The following ANO10 variants were observed in gnomAD, a reference collection of about 807,000 sequenced individuals.
ANO10 encodes anoctamin-10.
In ANO10, 77 loss-of-function variants were observed where a neutral mutation model predicts 74.7. The observed-to-expected ratio is 1.03, with a 90% CI of 0.86 to 1.25. The LOEUF is 1.25. ANO10 is among the 50% of genes most tolerant of loss of function. ANO10 has a pLI of 0.00. For synonymous variants in ANO10, 279 were observed against 284.9 expected, an observed-to-expected ratio of 0.98 and a Z score of 0.21; for missense variants, 721 against 778.1, an observed-to-expected ratio of 0.93 and a Z score of 0.87.
chr3:43,394,028 A>G (rs2092329660), intron 12 of ANO10, among the ~76,000 whole-genome samples: 1 of 152,162 alleles, frequency 6.6e-6, no homozygotes, highest in African/African-American at 2.4e-5. Context: ...GTGAACACTC[A>G]CAGGGTATCA....
At chr3:43,406,807 A>C (rs570950963) in intron 12 of ANO10, among the ~76,000 whole-genome samples, 146 of 152,328 alleles carry the variant, frequency 9.6e-4, no homozygotes, top group African/African-American at 3.4e-3. Flanking sequence ...GCATTTTTAC[A>C]CAACAGTGCC....
intron 11 of ANO10, among the ~76,000 whole-genome samples, chr3:43,511,893 T>C (rs1022018192): frequency 6.6e-6 from 1 of 152,194 alleles, no homozygotes. Context: ...GGCACTGCCT[T>C]GCTCCAAGGT....
intron 11 of ANO10, among the ~76,000 whole-genome samples, chr3:43,469,409 T>C (rs2075764532): frequency 6.6e-6 from 1 of 152,300 alleles, no homozygotes; most frequent in East Asian, 1.9e-4. Context: ...TGATTTCATC[T>C]CCTACTGATT....
At chr3:43,396,881 T>C (rs574797747) in intron 12 of ANO10, among the ~76,000 whole-genome samples, 1 of 152,152 alleles carries the variant, frequency 6.6e-6, no homozygotes, top group East Asian at 1.9e-4. Context: ...TTCTGCAATG[T>C]CTAATCTGCT....
At chr3:43,422,673 A>AT (rs1178136644) in intron 12 of ANO10, among the ~76,000 whole-genome samples, 1 of 152,152 alleles carries the variant, frequency 6.6e-6, no homozygotes, top group Non-Finnish European at 1.5e-5. Context: ...ATTTTATTCC[A>AT]TTTCACAGCC....
chr3:43,659,888 T>G (rs2083904708), intron 1 of ANO10, among the ~76,000 whole-genome samples: 1 of 152,154 alleles, frequency 6.6e-6, no homozygotes, highest in Non-Finnish European at 1.5e-5. Flanking sequence ...AGAGGAAGGA[T>G]CAGGCAGCAA....
chr3:43,554,334 C>T (rs550718724), intron 10 of ANO10, among the ~76,000 whole-genome samples: 34 of 152,030 alleles, frequency 2.2e-4, no homozygotes, highest in Middle Eastern at 3.4e-3. Flanking sequence ...GCTGGGATTA[C>T]AGGCGCCCAG....
intron 1 of ANO10, among the ~76,000 whole-genome samples, chr3:43,680,747 T>C (rs1267186241): frequency 6.6e-6 from 1 of 152,160 alleles, no homozygotes; most frequent in Non-Finnish European, 1.5e-5. Flanking sequence ...GCAGAAACTC[T>C]ACAAGCCAGA....
intron 12 of ANO10, among the ~76,000 whole-genome samples, chr3:43,410,566 C>T (rs899962666): frequency 6.6e-6 from 1 of 152,124 alleles, no homozygotes; most frequent in Non-Finnish European, 1.5e-5. Context: ...TTTATGACTA[C>T]AAAATTATGA....
At chr3:43,515,077 G>C (rs969818669) in intron 11 of ANO10, among the ~76,000 whole-genome samples, 1 of 152,118 alleles carries the variant, frequency 6.6e-6, no homozygotes, top group Non-Finnish European at 1.5e-5. Flanking sequence ...ATAGAAAATA[G>C]TAAAACAATA....
chr3:43,445,122 CA>C (rs10689478), intron 11 of ANO10, among the ~76,000 whole-genome samples: 1,410 of 91,490 alleles, frequency 0.015, 15 homozygotes, highest in African/African-American at 0.056. Context: ...GACTTTGCCT[CA>C]AAAAAAAAAA....
chr3:43,437,768 T>C (rs1049238740), intron 11 of ANO10, among the ~76,000 whole-genome samples: 2 of 152,200 alleles, frequency 1.3e-5, no homozygotes, highest in African/African-American at 4.8e-5. Flanking sequence ...ACTGGGCTGA[T>C]TGGTGAAGGC....
chr3:43,504,372 T>C (rs1460185724), intron 11 of ANO10, among the ~76,000 whole-genome samples: 1 of 151,272 alleles, frequency 6.6e-6, no homozygotes, highest in South Asian at 2.1e-4. Context: ...GGATCTAAAG[T>C]GTGATCTACA....
intron 1 of ANO10, among the ~76,000 whole-genome samples, chr3:43,642,545 T>C (rs1384286436): frequency 6.6e-6 from 1 of 152,208 alleles, no homozygotes; most frequent in Non-Finnish European, 1.5e-5. Context: ...TTTAGGATTT[T>C]ACTTTTGTCT....
At chr3:43,663,903 C>T (rs2083955854) in intron 1 of ANO10, among the ~76,000 whole-genome samples, 1 of 152,150 alleles carries the variant, frequency 6.6e-6, no homozygotes, top group African/African-American at 2.4e-5. Flanking sequence ...AATGGAAAAA[C>T]ATCCCATGCT....
intron 11 of ANO10, among the ~76,000 whole-genome samples, chr3:43,548,592 T>C (rs1372305250): frequency 6.6e-6 from 1 of 152,182 alleles, no homozygotes; most frequent in Non-Finnish European, 1.5e-5. Context: ...ACACTGGAAA[T>C]GTGCAAGTTC....
At chr3:43,601,033 A>G (rs144360663) in intron 2 of ANO10, among the ~76,000 whole-genome samples, 13 of 152,342 alleles carry the variant, frequency 8.5e-5, no homozygotes, top group Admixed American at 3.9e-4. Flanking sequence ...AATACTAAAT[A>G]ACAAAAAGCA....
In ANO10 at chr3:43,432,741, A is replaced by G. The variant is rs1399851304; in HGVS notation, c.1798-14T>C. On this transcript the variant is annotated splice_polypyrimidine_tract_variant and intron_variant, in intron 11 of 12. Transcript: ENST00000292246. ...CAGGAGTGCGTGCTGAAAACAAGAAAGAGTACATGTTGATGTGATACATCA... is the reference window on the plus strand; with the variant it reads ...CAGGAGTGCGTGCTGAAAACAAGAAGGAGTACATGTTGATGTGATACATCA... 1.9e-6 allele frequency: 3 copies of G among 1,539,772 alleles called. No homozygotes were observed.
intron 11 of ANO10, among the ~76,000 whole-genome samples, chr3:43,491,338 A>G (rs2149117999): frequency 6.6e-6 from 1 of 152,176 alleles, no homozygotes; most frequent in Admixed American, 6.5e-5. Flanking sequence ...ACATGGCGAA[A>G]CCCCATCTCT....
Sources: allele counts gnomAD v4.1 joint callset (sites outside exome capture counted in the v4.1 genomes callset), GRCh38; gene constraint gnomAD v4.1.1; transcripts MANE v1.5; gene names NCBI Gene and HGNC (gene_info 2026-07-23, HGNC 2026-07-21).